The following STK32B variants were observed in gnomAD, a reference collection of about 807,000 sequenced individuals.
STK32B encodes the protein serine/threonine kinase 32B.
Under a neutral mutation model 52.6 loss-of-function variants are expected in STK32B, and 43 were observed. That is an observed-to-expected ratio of 0.82 (90% confidence interval 0.64 to 1.05). The LOEUF (loss-of-function observed/expected upper bound fraction) is 1.05, where lower values mean the gene tolerates loss of function less well. Among genes scored for constraint, STK32B ranks in the 50% least tolerant of loss-of-function variants. The pLI is 0.00. For synonymous variants in STK32B, 238 were observed against 204.3 expected, an observed-to-expected ratio of 1.17 and a Z score of -1.41; for missense variants, 621 against 534.6, an observed-to-expected ratio of 1.16 and a Z score of -1.59.
chr4:5,269,748 C>A lies in STK32B; in HGVS notation c.261-61472C>A, dbSNP rs191118591. On this transcript the variant is annotated intron_variant, in intron 3 of 11. Transcript: ENST00000282908. ...ATAGAAAAAAATTAGTGAACTTAAA[C>A]ATATAGCAATAAAGGAAATACACCC... is the stretch of plus-strand genomic sequence containing the variant. Among the ~76,000 whole-genome samples, 403 of 152,172 alleles carry A rather than the reference C, an allele frequency of 2.6e-3. 1 individual carries two copies. Among genetic ancestry groups the A allele is most frequent in the Admixed American group, 4.1e-3 (63 of 15,290 alleles).
intron 6 of STK32B, among the ~76,000 whole-genome samples, chr4:5,446,153 G>T (rs1042234687): frequency 1.3e-5 from 2 of 152,216 alleles, no homozygotes; most frequent in Admixed American, 1.3e-4. Context: ...ATTCCACCCG[G>T]TAGTGTCACG....
intron 1 of STK32B, among the ~76,000 whole-genome samples, chr4:5,060,123 C>T (rs1004637740): frequency 3.3e-5 from 5 of 152,158 alleles, no homozygotes; most frequent in East Asian, 3.9e-4. Flanking sequence ...TGTGCCCCTA[C>T]GCCCGGCTAA....
intron 11 of STK32B, among the ~76,000 whole-genome samples, chr4:5,481,700 G>C (rs1473763551): frequency 1.3e-5 from 2 of 152,090 alleles, no homozygotes; most frequent in African/African-American, 4.8e-5. Flanking sequence ...TTTTCTTCTA[G>C]GGTTTTTATG....
At chr4:5,442,369 TG>T (rs1714869672) in intron 6 of STK32B, among the ~76,000 whole-genome samples, 1 of 152,190 alleles carries the variant, frequency 6.6e-6, no homozygotes, top group African/African-American at 2.4e-5. Context: ...TGGTCTTCTT[TG>T]TCTCTTTTGA....
intron 3 of STK32B, among the ~76,000 whole-genome samples, chr4:5,317,246 A>ATATATAACATATATATAT (rs1560313469): frequency 2.4e-5 from 1 of 41,362 alleles, no homozygotes; most frequent in African/African-American, 2.9e-4. Context: ...TATATATATT[A>ATATATAACATATATATAT]TATATAACAT....
At chr4:5,486,567 G>T (rs958060257) in intron 11 of STK32B, among the ~76,000 whole-genome samples, 1 of 152,210 alleles carries the variant, frequency 6.6e-6, no homozygotes, top group Non-Finnish European at 1.5e-5. Flanking sequence ...TTTGGCTCAC[G>T]CTCGGTGCGC....
At chr4:5,088,360 A>T (rs1712854968) in intron 1 of STK32B, among the ~76,000 whole-genome samples, 2 of 152,194 alleles carry the variant, frequency 1.3e-5, no homozygotes, top group South Asian at 4.1e-4. Context: ...GGTACAAAAA[A>T]TAGTTAAAAA....
At chr4:5,053,814 A>G (rs200080283) in intron 1 of STK32B, among the ~76,000 whole-genome samples, 1 of 109,806 alleles carries the variant, frequency 9.1e-6, no homozygotes, top group African/African-American at 3.7e-5. Flanking sequence ...CCCCGACTCT[A>G]CTAAAAATAC....
Position 5,398,879 on chromosome 4 carries a change from C to T in STK32B, c.472+635C>T, listed in dbSNP as rs1737100640. On this transcript the variant is annotated intron_variant, in intron 5 of 11. Transcript: ENST00000282908. This position sits in a 1 kb window ranked among gnomAD's most constrained non-coding sequence, Gnocchi z 4.9. Reference sequence around the variant, plus strand: ...GTGGCTGATGCTGCTGGTCCATGGACCACACCTTGAGTAGCAAGGCACCAA... The same window carrying T: ...GTGGCTGATGCTGCTGGTCCATGGATCACACCTTGAGTAGCAAGGCACCAA... Among the ~76,000 whole-genome samples, 1 of 152,168 alleles carries T rather than the reference C, an allele frequency of 6.6e-6. No individual in the cohort carries two copies. Among genetic ancestry groups the T allele is most frequent in the Non-Finnish European group, 1.5e-5 (1 of 68,034 alleles).
At chr4:5,402,631 G>A (rs1334449973) in intron 5 of STK32B, among the ~76,000 whole-genome samples, 1 of 152,206 alleles carries the variant, frequency 6.6e-6, no homozygotes, top group Non-Finnish European at 1.5e-5. Context: ...CATCACCTGG[G>A]TCCTAAGACC....
At chr4:5,476,421 T>C (rs936728515) in intron 11 of STK32B, among the ~76,000 whole-genome samples, 3 of 152,202 alleles carry the variant, frequency 2.0e-5, no homozygotes, top group Admixed American at 6.5e-5. Flanking sequence ...GGAGTGGTAC[T>C]GCTGGGAAAG....
chr4:5,170,402 G>A (rs1443982790), intron 3 of STK32B, among the ~76,000 whole-genome samples: 2 of 152,108 alleles, frequency 1.3e-5, no homozygotes, highest in Non-Finnish European at 2.9e-5. Context: ...TTGGTGTGCT[G>A]CACCCATTAA....
At chr4:5,491,454 G>A (rs1204444843) in intron 11 of STK32B, among the ~76,000 whole-genome samples, 1 of 152,166 alleles carries the variant, frequency 6.6e-6, no homozygotes, top group African/African-American at 2.4e-5. Context: ...ATTTGTTTGA[G>A]TTCATTGTAG....
At chr4:5,408,045 G>A (rs1488253537) in intron 5 of STK32B, among the ~76,000 whole-genome samples, 2 of 152,126 alleles carry the variant, frequency 1.3e-5, no homozygotes, top group Non-Finnish European at 2.9e-5. Flanking sequence ...CACCAAATCT[G>A]TCAGGGCCTT....
intron 4 of STK32B, among the ~76,000 whole-genome samples, chr4:5,366,576 C>T (rs1734893570): frequency 6.6e-6 from 1 of 152,216 alleles, no homozygotes; most frequent in Admixed American, 6.5e-5. Flanking sequence ...ATGTGCACAG[C>T]AACCCTACCG....
intron 3 of STK32B, among the ~76,000 whole-genome samples, chr4:5,281,446 G>C (rs1272219243): frequency 1.3e-5 from 2 of 152,118 alleles, no homozygotes; most frequent in African/African-American, 4.8e-5. Context: ...TGTTAGGGTT[G>C]GGGGCAAAGG....
In STK32B at chr4:5,399,945, GGAAAGCA is replaced by G. The variant is rs1229193312; in HGVS notation, c.472+1703_472+1709del. On this transcript the variant is annotated intron_variant, in intron 5 of 11. Transcript: ENST00000282908. The surrounding 1 kb of genome is among the most constrained non-coding windows in gnomAD (Gnocchi z 5.4). Reference sequence around the variant, plus strand: ...AGAGGCTGGTTCTGCTTAGCTGTCTGGAAAGCAGGGGTCTGGAAGGCTGGGTTCCAGG... The same window carrying G: ...AGAGGCTGGTTCTGCTTAGCTGTCTGGGGGTCTGGAAGGCTGGGTTCCAGG... Among the ~76,000 whole-genome samples the G allele has an allele frequency of 1.3e-5, 2 of 152,008 alleles. No individual in the cohort carries two copies. Among genetic ancestry groups the G allele is most frequent in the East Asian group, 3.9e-4 (2 of 5,184 alleles).
intron 9 of STK32B, among the ~76,000 whole-genome samples, chr4:5,464,662 G>A (rs1223164204): frequency 6.6e-6 from 1 of 152,206 alleles, no homozygotes; most frequent in Non-Finnish European, 1.5e-5. Context: ...AACTTTGTGT[G>A]ACTTATCTTG....
At chr4:5,165,694 C>G (rs1054637012) in intron 2 of STK32B, among the ~76,000 whole-genome samples, 1 of 152,160 alleles carries the variant, frequency 6.6e-6, no homozygotes, top group African/African-American at 2.4e-5. Flanking sequence ...CTCCAGAAGT[C>G]TTTGCTTGGA....
Sources: gnomAD v4.1 joint callset for allele counts (sites outside exome capture counted in the v4.1 genomes callset) on GRCh38, gnomAD v4.1.1 for gene constraint, Gnocchi (gnomAD v3.1) non-coding constraint, MANE v1.5 for transcripts, NCBI Gene and HGNC (gene_info 2026-07-23, HGNC 2026-07-21) for gene names.